Variants in PRDM5 observed in about 807,000 individuals in gnomAD.
PRDM5 encodes the protein PR domain zinc finger protein 5.
In PRDM5, 56 loss-of-function variants were observed where a neutral mutation model predicts 81.2. That is an observed-to-expected ratio of 0.69 (90% CI 0.56 to 0.86). PRDM5 has a LOEUF of 0.86. Among genes scored for constraint, PRDM5 ranks in the 40% least tolerant of loss-of-function variants. The probability of loss-of-function intolerance (pLI) is 0.00; values close to 1 mark genes in which losing one functional copy is unlikely to be tolerated. For missense variants in PRDM5, 697 were observed against 770.1 expected, an observed-to-expected ratio of 0.91 and a Z score of 1.12; for synonymous variants, 267 against 256.4, an observed-to-expected ratio of 1.04 and a Z score of -0.39.
chr4:120,889,990 G>C (rs1763869537), intron 2 of PRDM5, among the ~76,000 whole-genome samples: 1 of 152,152 alleles, frequency 6.6e-6, no homozygotes, highest in African/African-American at 2.4e-5. Flanking sequence ...ACTGTGAATA[G>C]TGCTGTGATG....
intron 13 of PRDM5, among the ~76,000 whole-genome samples, chr4:120,767,969 T>G (rs1746632101): frequency 6.6e-6 from 1 of 152,210 alleles, no homozygotes. Flanking sequence ...CTGCCATGAT[T>G]GTGAGGCCTC....
At chr4:120,733,295 C>G (rs1447314132) in intron 14 of PRDM5, among the ~76,000 whole-genome samples, 1 of 152,132 alleles carries the variant, frequency 6.6e-6, no homozygotes, top group African/African-American at 2.4e-5. Flanking sequence ...ACCTGGGACT[C>G]CTCACAGTCT....
At chr4:120,690,070 C>CT (rs1261374999), downstream of PRDM5, among the ~76,000 whole-genome samples, 1 of 152,096 alleles carries the variant, frequency 6.6e-6, no homozygotes, top group Non-Finnish European at 1.5e-5. Flanking sequence ...AGTTTGCTCA[C>CT]ATGTCATTAA....
At chr4:120,732,182 G>T (rs757908546) in intron 14 of PRDM5, among the ~76,000 whole-genome samples, 1 of 151,882 alleles carries the variant, frequency 6.6e-6, no homozygotes, top group Non-Finnish European at 1.5e-5. Flanking sequence ...AATTTGCAGG[G>T]TCTATTATCT....
intron 14 of PRDM5, among the ~76,000 whole-genome samples, chr4:120,730,554 T>A (rs1221324804): frequency 6.6e-6 from 1 of 152,182 alleles, no homozygotes; most frequent in Non-Finnish European, 1.5e-5. Context: ...AAGATGAACA[T>A]AAATTTCTGT....
intron 2 of PRDM5, among the ~76,000 whole-genome samples, chr4:120,889,109 T>G (rs1195920578): frequency 1.3e-5 from 2 of 152,154 alleles, no homozygotes; most frequent in African/African-American, 4.8e-5. Flanking sequence ...CACTTAAGGT[T>G]AGTGTTTATT....
intron 1 of PRDM5, among the ~76,000 whole-genome samples, chr4:120,912,628 T>C (rs1766648635): frequency 6.6e-6 from 1 of 152,186 alleles, no homozygotes; most frequent in Non-Finnish European, 1.5e-5. Flanking sequence ...AATTTAAATA[T>C]GGACTAGCAT....
chr4:120,795,262 A>G (rs750631378), intron 10 of PRDM5, among the ~76,000 whole-genome samples: 13 of 152,160 alleles, frequency 8.5e-5, no homozygotes, highest in Non-Finnish European at 1.8e-4. Flanking sequence ...GGTTCACTAC[A>G]TCTAAACATG....
Position 120,922,655 on chromosome 4 carries a change from C to CAA in PRDM5, c.-48_-47insTT, listed in dbSNP as rs763567453. The CAA allele has an allele frequency of 7.0e-6, 11 of 1,567,510 alleles. No individual in the cohort carries two copies. Among genetic ancestry groups the CAA allele is most frequent in the Non-Finnish European group, 9.5e-6 (11 of 1,156,642 alleles). On this transcript the variant is annotated 5_prime_UTR_variant, in exon 1 of 16. An upstream open reading frame in the 5' UTR loses its in-frame stop. Transcript: ENST00000264808. ...CGCCTCTCTCAACACCGGCGCTTAG[C>CAA]GCCCGGCAGGCGGCACATCGAAATT...
chr4:120,755,919 G>A (rs1252283939), intron 13 of PRDM5, among the ~76,000 whole-genome samples: 1 of 152,150 alleles, frequency 6.6e-6, no homozygotes, highest in Non-Finnish European at 1.5e-5. Flanking sequence ...ACCAGGCACT[G>A]TAAAATGGTG....
chr4:120,858,156 T>G (rs1274988191), intron 2 of PRDM5, among the ~76,000 whole-genome samples: 1 of 152,242 alleles, frequency 6.6e-6, no homozygotes, highest in African/African-American at 2.4e-5. Flanking sequence ...CCTTTTTGTC[T>G]TTCAACAAGG....
At position 120,872,150 on chromosome 4, in the gene PRDM5, C is replaced by CAAAAAAAAA. The variant is rs70948365; in HGVS notation, c.178-18619_178-18611dup. Among the ~76,000 whole-genome samples, 14 of 41,830 alleles carry CAAAAAAAAA rather than the reference C, an allele frequency of 3.3e-4. 1 individual carries two copies. Among genetic ancestry groups the CAAAAAAAAA allele is most frequent in the African/African-American group, 1.3e-3 (11 of 8,366 alleles). 27.4% of individuals were successfully genotyped at this position (41,830 alleles called of 152,430 possible). ...TGGGCGACAGAGCAAGACTCCATCT[C>CAAAAAAAAA]AAAAAAAAAAAAAAAAAAAAAAAAC... On this transcript the variant is annotated intron_variant, in intron 2 of 15. Coordinates refer to ENST00000264808, the MANE Select transcript of PRDM5 (RefSeq NM_018699.4).
chr4:120,887,798 T>C (rs1309651644), intron 2 of PRDM5, among the ~76,000 whole-genome samples: 8 of 94,562 alleles, frequency 8.5e-5, no homozygotes, highest in Non-Finnish European at 1.4e-4. Context: ...TTTTTTTTTT[T>C]TTTTTTTTTT....
At chr4:120,922,139 C>T (rs1326857675) in intron 1 of PRDM5, among the ~76,000 whole-genome samples, 1 of 152,238 alleles carries the variant, frequency 6.6e-6, no homozygotes, top group African/African-American at 2.4e-5. Flanking sequence ...CCCACGCGTG[C>T]CTTCGCCAAC....
At chr4:120,809,964 C>CA (rs1409898620) in intron 8 of PRDM5, among the ~76,000 whole-genome samples, 1 of 152,086 alleles carries the variant, frequency 6.6e-6, no homozygotes, top group Non-Finnish European at 1.5e-5. Flanking sequence ...CTCCCATCAC[C>CA]CCCAGATGGG....
At chr4:120,748,276 C>A (rs1469528952) in intron 14 of PRDM5, among the ~76,000 whole-genome samples, 2 of 152,184 alleles carry the variant, frequency 1.3e-5, no homozygotes, top group African/African-American at 2.4e-5. Flanking sequence ...ACCTGGGGTA[C>A]CCCCAAGGCC....
chr4:120,714,301 A>G (rs1449384510), intron 14 of PRDM5, among the ~76,000 whole-genome samples: 1 of 152,174 alleles, frequency 6.6e-6, no homozygotes, highest in Non-Finnish European at 1.5e-5. Flanking sequence ...GATATATAAT[A>G]GACTAATTTT....
chr4:120,722,336 T>C (rs1381896243), intron 14 of PRDM5, among the ~76,000 whole-genome samples: 2 of 152,064 alleles, frequency 1.3e-5, no homozygotes, highest in African/African-American at 4.8e-5. Context: ...AAGGCACTTG[T>C]AATCCCAGGC....
chr4:120,830,651 A>G (rs890892647), intron 3 of PRDM5, among the ~76,000 whole-genome samples: 3 of 152,120 alleles, frequency 2.0e-5, no homozygotes, highest in African/African-American at 7.2e-5. Flanking sequence ...AAAATGACAG[A>G]TGTATTCAAA....
Sources: allele counts gnomAD v4.1 joint callset (sites outside exome capture counted in the v4.1 genomes callset), GRCh38; gene constraint gnomAD v4.1.1; transcripts MANE v1.5; gene names NCBI Gene and HGNC (gene_info 2026-07-23, HGNC 2026-07-21).